AFF2: variants seen among roughly 807,000 people sequenced by gnomAD.
AFF2 encodes the protein AF4/FMR2 family member 2.
AFF2 carries 14 observed loss-of-function variants against 76.9 expected under a neutral mutation model. The observed-to-expected ratio is 0.18, with a 90% CI of 0.12 to 0.28. The LOEUF (loss-of-function observed/expected upper bound fraction) is 0.28, where lower values mean the gene tolerates loss of function less well. AFF2 is among the 10% of genes least tolerant of loss of function. AFF2 has a pLI of 1.00. For synonymous variants in AFF2, 398 were observed against 366.7 expected (o/e 1.09, Z -0.98); for missense variants, 868 against 1,001.1 (o/e 0.87, Z 1.79).
In AFF2 at chrX:148,996,484, A is replaced by G. The variant is rs1212446245; in HGVS notation, c.*5152A>G. On this transcript the variant is annotated 3_prime_UTR_variant, in exon 21 of 21. Coordinates refer to ENST00000370460, the MANE Select transcript of AFF2 (RefSeq NM_002025.4). ...GTTGGCTCTTGCAAGCCTGGGCAAA[A>G]ATGCTTCAACACGCCACTGGATGCA... 8.9e-5 allele frequency: 10 copies of G among 112,846 alleles called. No individual in the cohort carries two copies. Among genetic ancestry groups the G allele is most frequent in the Non-Finnish European group, 1.7e-4 (9 of 53,420 alleles). The allele number at this position is 112,846 out of a possible 1,213,427, so 9.3% of individuals were successfully genotyped here.
rs190795151 is a variant in AFF2, at chrX:148,873,268, C to T, written c.1263-12621C>T. On this transcript the variant is annotated intron_variant, in intron 7 of 20. Coordinates refer to ENST00000370460, the MANE Select transcript of AFF2 (RefSeq NM_002025.4). Reference sequence around the variant, plus strand: ...CCAGTACAGGGCCCTGATAGGAGCCCGGCTATCTAACCTCTCGTGTCATGG... The same window carrying T: ...CCAGTACAGGGCCCTGATAGGAGCCTGGCTATCTAACCTCTCGTGTCATGG... Among the ~76,000 whole-genome samples, 11 of 110,217 alleles carry T rather than the reference C, an allele frequency of 1.0e-4. No homozygotes were observed. The South Asian group carries it at 2.0e-3, about 20-fold the overall frequency.
intron 7 of AFF2, among the ~76,000 whole-genome samples, chrX:148,858,298 C>T (rs2070808671): frequency 9.0e-6 from 1 of 111,493 alleles, no homozygotes; most frequent in Admixed American, 9.6e-5. Flanking sequence ...GATTATAATA[C>T]ACAATTTTAC....
intron 19 of AFF2, among the ~76,000 whole-genome samples, chrX:148,982,168 A>AAC (rs1174323168): frequency 1.8e-5 from 2 of 112,105 alleles, no homozygotes; most frequent in Non-Finnish European, 3.8e-5. Flanking sequence ...CAAGAACTCA[A>AAC]ACACAACCTA....
At chrX:148,631,190 A>C (rs142718730) in intron 1 of AFF2, among the ~76,000 whole-genome samples, 1 of 111,728 alleles carries the variant, frequency 9.0e-6, no homozygotes, top group Non-Finnish European at 1.9e-5. Context: ...TTGTCTAAAG[A>C]CTCAATACCA....
At chrX:148,790,667 A>AC (rs2069880692) in intron 3 of AFF2, among the ~76,000 whole-genome samples, 1 of 108,812 alleles carries the variant, frequency 9.2e-6, no homozygotes, top group African/African-American at 3.4e-5. Context: ...GGAGGGGAAC[A>AC]ACACTCACTG....
chrX:148,551,443 CCTT>C (rs1191233920), intron 1 of AFF2, among the ~76,000 whole-genome samples: 2 of 93,081 alleles, frequency 2.1e-5, no homozygotes, highest in African/African-American at 8.5e-5. Context: ...AACTTATGGT[CCTT>C]CTCTACTCTA....
At chrX:148,806,264 G>T (rs1170630093) in intron 3 of AFF2, among the ~76,000 whole-genome samples, 1 of 112,520 alleles carries the variant, frequency 8.9e-6, no homozygotes. Flanking sequence ...CCCAGCCTTA[G>T]CTCAGCTTTC....
rs1373493810 is a variant in AFF2 at position 148,810,020 on chromosome X, A to C, written c.1086+100A>C. The C allele has an allele frequency of 3.7e-5, 31 of 839,585 alleles. 1 individual carries two copies. The highest frequency in any genetic ancestry group is 4.5e-5 in the Non-Finnish European group (26 of 576,244). The allele number at this position is 839,585 out of a possible 1,213,427, so 69.2% of individuals were successfully genotyped here. ...CTGTTCTGTTTCAAGGAGTTTCATG[A>C]TGGGGAATCCTGATATTCTACTTCA... On this transcript the variant is annotated intron_variant, in intron 4 of 20. Coordinates refer to ENST00000370460, the MANE Select transcript of AFF2 (RefSeq NM_002025.4).
At chrX:148,877,402 C>T (rs1417899459) in intron 7 of AFF2, among the ~76,000 whole-genome samples, 1 of 111,801 alleles carries the variant, frequency 8.9e-6, no homozygotes, top group African/African-American at 3.2e-5. Context: ...AAGCAATCTA[C>T]CTCTTCCCCT....
chrX:148,701,012 ATGTGTGTGTGTGTGTG>A (rs10675200), intron 3 of AFF2, among the ~76,000 whole-genome samples: 3 of 73,743 alleles, frequency 4.1e-5, no homozygotes, highest in Non-Finnish European at 7.4e-5. Context: ...GAGAGAGAGA[ATGTGTGTGTGTGTGTG>A]TGTGTGTGTG....
chrX:148,969,074 A>G (rs58541488), intron 15 of AFF2, among the ~76,000 whole-genome samples: 1,422 of 112,827 alleles, frequency 0.013, 21 homozygotes, highest in African/African-American at 0.044. Flanking sequence ...TATACATAGG[A>G]GACCATGTAA....
intron 1 of AFF2, among the ~76,000 whole-genome samples, chrX:148,649,803 C>T (rs1049677946): frequency 2.7e-5 from 3 of 111,529 alleles, no homozygotes; most frequent in Admixed American, 9.5e-5. Context: ...ATCTTTCCCT[C>T]GGAGAAGGAA....
intron 7 of AFF2, among the ~76,000 whole-genome samples, chrX:148,866,844 G>T (rs2070913295): frequency 8.9e-6 from 1 of 112,352 alleles, no homozygotes; most frequent in African/African-American, 3.2e-5. Flanking sequence ...ACAGATTTTT[G>T]TATACTGTAG....
chrX:148,772,484 G>A (rs1406955632), intron 3 of AFF2, among the ~76,000 whole-genome samples: 6 of 109,559 alleles, frequency 5.5e-5, no homozygotes, highest in Non-Finnish European at 1.1e-4. Context: ...TATTATAGAA[G>A]AGTGGCTTAC....
chrX:148,504,914 TGGGAAGGTGTGGG>T (rs1557232318), intron 1 of AFF2, among the ~76,000 whole-genome samples: 1 of 93,431 alleles, frequency 1.1e-5, no homozygotes, highest in East Asian at 3.5e-4. Flanking sequence ...TGTTTATGGA[TGGGAAGGTGTGGG>T]AGATGGGGGG....
At chrX:148,763,837 C>T (rs921665027) in intron 3 of AFF2, among the ~76,000 whole-genome samples, 2 of 111,722 alleles carry the variant, frequency 1.8e-5, no homozygotes, top group Non-Finnish European at 3.8e-5. Flanking sequence ...TGGTGCCAGT[C>T]GGAAGCATAG....
chrX:148,783,780 A>G lies in AFF2; in HGVS notation c.1042-26096A>G, dbSNP rs781931902. On this transcript the variant is annotated intron_variant, in intron 3 of 20. Transcript: ENST00000370460. The stretch of plus-strand genomic sequence containing the variant: ...GGCTTTTTCTGCAGTTTGCCTTCAG[A>G]TAGCTAACAAATGAGGGCAGACTTG... Among the ~76,000 whole-genome samples the G allele has an allele frequency of 4.5e-5, 5 of 111,813 alleles. No individual in the cohort carries two copies. The East Asian group carries it at 1.4e-3, about 31-fold the overall frequency.
rs1473185039 is a variant in AFF2 at position 148,865,135 on chromosome X, A to T, written c.1263-20754A>T. On this transcript the variant is annotated intron_variant, in intron 7 of 20. Transcript: ENST00000370460. ...AACTGAAGAAAATGATATGGCAATA[A>T]TGTGTTTTACAGTAAAATTTGATAG... is the stretch of plus-strand genomic sequence containing the variant. Among the ~76,000 whole-genome samples the T allele has an allele frequency of 6.2e-5, 7 of 112,501 alleles. No homozygotes were observed. In the Admixed American group the frequency reaches 6.6e-4, roughly 11 times the overall value.
intron 8 of AFF2, among the ~76,000 whole-genome samples, chrX:148,891,464 G>GT (rs1485756133): frequency 2.7e-5 from 3 of 111,243 alleles, no homozygotes; most frequent in Non-Finnish European, 5.7e-5. Context: ...AGTCTCAAAG[G>GT]TTTTTTTAAC....
Sources: allele counts gnomAD v4.1 joint callset (sites outside exome capture counted in the v4.1 genomes callset), GRCh38; gene constraint gnomAD v4.1.1; transcripts MANE v1.5; gene names NCBI Gene and HGNC (gene_info 2026-07-23, HGNC 2026-07-21).